Variants in CMC1 observed in about 807,000 individuals in gnomAD.
CMC1 encodes C-X9-C motif containing 1, also known as COX assembly mitochondrial protein homolog.
A neutral mutation model predicts 14.1 loss-of-function variants in CMC1; 14 were observed. The observed-to-expected ratio is 0.99, with a 90% CI of 0.66 to 1.55. The LOEUF (loss-of-function observed/expected upper bound fraction) is 1.55. CMC1 is among the 40% of genes most tolerant of loss of function. The pLI, the probability that CMC1 is intolerant of heterozygous loss-of-function variation, is 0.00. For missense variants in CMC1, 127 were observed against 123.8 expected (o/e 1.03, Z -0.12); for synonymous variants, 50 against 38.4 (o/e 1.30, Z -1.12).
intron 2 of CMC1, among the ~76,000 whole-genome samples, chr3:28,300,645 C>CTCCCTT (rs1553620153): frequency 2.3e-5 from 1 of 42,940 alleles, no homozygotes; most frequent in Non-Finnish European, 4.7e-5. Context: ...CTTTCCCTCC[C>CTCCCTT]TCCATCCCTT....
chr3:28,260,097 A>G (rs1699656961), intron 1 of CMC1, among the ~76,000 whole-genome samples: 1 of 152,082 alleles, frequency 6.6e-6, no homozygotes, highest in Non-Finnish European at 1.5e-5. Flanking sequence ...TTGGACTGTT[A>G]ATATATCTCA....
chr3:28,279,810 G>A (rs1480914642), intron 2 of CMC1, among the ~76,000 whole-genome samples: 7 of 152,110 alleles, frequency 4.6e-5, no homozygotes. Flanking sequence ...ATAACATAAG[G>A]ACAACCTTCA....
chr3:28,274,277 T>G (rs1700467544), intron 2 of CMC1, among the ~76,000 whole-genome samples: 1 of 149,924 alleles, frequency 6.7e-6, no homozygotes, highest in African/African-American at 2.5e-5. Context: ...ATTTAGTGCT[T>G]CTTTCAGGAG....
chr3:28,287,485 T>C (rs939330784), intron 2 of CMC1, among the ~76,000 whole-genome samples: 2 of 152,128 alleles, frequency 1.3e-5, no homozygotes, highest in Non-Finnish European at 2.9e-5. Context: ...TTTCCTATTA[T>C]TGAAAATGTT....
chr3:28,300,241 A>G (rs1701955269), intron 2 of CMC1, among the ~76,000 whole-genome samples: 1 of 152,202 alleles, frequency 6.6e-6, no homozygotes, highest in South Asian at 2.1e-4. Flanking sequence ...GTCGTTTTAC[A>G]CTGGAATACT....
chr3:28,294,023 T>C (rs114256302), intron 2 of CMC1, among the ~76,000 whole-genome samples: 2 of 152,228 alleles, frequency 1.3e-5, no homozygotes, highest in African/African-American at 4.8e-5. Flanking sequence ...GAATAATTGC[T>C]ATTTTCGAAG....
chr3:28,270,716 A>T (rs1700234126), intron 2 of CMC1, among the ~76,000 whole-genome samples: 1 of 151,950 alleles, frequency 6.6e-6, no homozygotes, highest in Admixed American at 6.6e-5. Context: ...GTTCACGCTT[A>T]TGATAGTTTC....
intron 2 of CMC1, among the ~76,000 whole-genome samples, chr3:28,284,386 G>A (rs1701060342): frequency 6.6e-6 from 1 of 152,116 alleles, no homozygotes; most frequent in South Asian, 2.1e-4. Context: ...ATGTGTATTG[G>A]ATCCTCATCT....
At chr3:28,261,235 CA>C (rs1699720308) in intron 1 of CMC1, among the ~76,000 whole-genome samples, 1 of 151,374 alleles carries the variant, frequency 6.6e-6, no homozygotes, top group Non-Finnish European at 1.5e-5. Flanking sequence ...TTTTATTTTA[CA>C]AAGAAGGTTA....
intron 1 of CMC1, among the ~76,000 whole-genome samples, chr3:28,251,863 G>T (rs888984337): frequency 6.6e-6 from 1 of 152,132 alleles, no homozygotes; most frequent in Admixed American, 6.5e-5. Context: ...TGCTAAGAAG[G>T]CCACAGGTAT....
In CMC1 at chr3:28,320,514, A is replaced by G. The variant is rs991210406; in HGVS notation, c.*885A>G. Reference sequence around the variant, plus strand: ...CACCCTATTACCTCTTAAAGGCTCCATTTCTTAGTCCTGTTAAATTAGCAA... The same window carrying G: ...CACCCTATTACCTCTTAAAGGCTCCGTTTCTTAGTCCTGTTAAATTAGCAA... On this transcript the variant is annotated 3_prime_UTR_variant, in exon 4 of 4. Transcript: ENST00000466830. 1.3e-5 allele frequency: 2 copies of G among 151,500 alleles called. No individual in the cohort carries two copies. Among genetic ancestry groups the G allele is most frequent in the Admixed American group, 1.3e-4 (2 of 15,126 alleles). 9.4% of individuals were successfully genotyped at this position (151,500 alleles called of 1,614,324 possible).
In CMC1 at chr3:28,289,454, A is replaced by T. The variant is rs568577575; in HGVS notation, c.109+26074A>T. ...ATGAGATATTTGTAGGACAATGAGA[A>T]GGTTAGTTTAATTATATAAAACAAT... On this transcript the variant is annotated intron_variant, in intron 2 of 3. Coordinates refer to ENST00000466830, the MANE Select transcript of CMC1 (RefSeq NM_182523.2). Among the ~76,000 whole-genome samples, 11 of 152,214 alleles carry T rather than the reference A, an allele frequency of 7.2e-5. No individual in the cohort carries two copies. The South Asian group carries it at 2.3e-3, about 32-fold the overall frequency.
At chr3:28,271,792 C>T (rs1466141748) in intron 2 of CMC1, among the ~76,000 whole-genome samples, 3 of 152,172 alleles carry the variant, frequency 2.0e-5, no homozygotes, top group Admixed American at 6.5e-5. Context: ...ATGGGAATAG[C>T]ATTGAATCTA....
chr3:28,315,236 C>G (rs1655657057), intron 2 of CMC1: 1 of 152,090 alleles, frequency 6.6e-6, no homozygotes, highest in South Asian at 2.1e-4. Flanking sequence ...TGAGTCTGAC[C>G]CAAAGCAAAC....
chr3:28,254,220 C>T (rs2125438957), intron 1 of CMC1, among the ~76,000 whole-genome samples: 1 of 152,234 alleles, frequency 6.6e-6, no homozygotes, highest in African/African-American at 2.4e-5. Context: ...AAATGTATAA[C>T]ATATATACAC....
intron 2 of CMC1, among the ~76,000 whole-genome samples, chr3:28,293,972 A>G (rs570116716): frequency 2.0e-5 from 3 of 152,336 alleles, no homozygotes; most frequent in East Asian, 1.9e-4. Context: ...TTTTACATAT[A>G]GCATTAAATT....
rs558513108 is a variant in CMC1, at chr3:28,272,509, G to A, written c.109+9129G>A. 3.3e-5 allele frequency among the ~76,000 whole-genome samples: 5 copies of A among 152,116 alleles called. No individual in the cohort carries two copies. The East Asian group carries it at 5.8e-4, about 18-fold the overall frequency. ...AGTTTTGGCCTTTAGTTCTGTTTAC[G>A]TAATGAATTCGTTTATTGATTTGCA... On this transcript the variant is annotated intron_variant, in intron 2 of 3. Transcript: ENST00000466830.
At chr3:28,300,508 C>T (rs1701969391) in intron 2 of CMC1, among the ~76,000 whole-genome samples, 1 of 152,054 alleles carries the variant, frequency 6.6e-6, no homozygotes, top group Non-Finnish European at 1.5e-5. Context: ...AGGGAGCTGG[C>T]TTTTTCACTC....
At chr3:28,244,942 A>G (rs1242591087) in intron 1 of CMC1, among the ~76,000 whole-genome samples, 3 of 146,974 alleles carry the variant, frequency 2.0e-5, no homozygotes, top group Non-Finnish European at 3.0e-5. Context: ...AATAAAATGT[A>G]TGGAAGCCAG....
Sources: allele counts gnomAD v4.1 joint callset (sites outside exome capture counted in the v4.1 genomes callset), GRCh38; gene constraint gnomAD v4.1.1; transcripts MANE v1.5; gene names NCBI Gene and HGNC (gene_info 2026-07-23, HGNC 2026-07-21).